The following CACNA2D3 variants were observed in gnomAD, a reference collection of about 807,000 sequenced individuals.
CACNA2D3 encodes calcium voltage-gated channel auxiliary subunit alpha2delta 3, also known as voltage-dependent calcium channel subunit alpha-2/delta-3.
In CACNA2D3, 60 loss-of-function variants were observed where a neutral mutation model predicts 160.6. That is an observed-to-expected ratio of 0.37 (90% CI 0.30 to 0.46). The LOEUF is 0.46. CACNA2D3 is among the 20% of genes least tolerant of loss of function. The pLI is 1.00. For missense variants in CACNA2D3, 1,205 were observed against 1,365.0 expected, an observed-to-expected ratio of 0.88 and a Z score of 1.85; for synonymous variants, 558 against 492.9, an observed-to-expected ratio of 1.13 and a Z score of -1.75.
chr3:54,694,372 C>T (rs1313198776), intron 11 of CACNA2D3, among the ~76,000 whole-genome samples: 1 of 152,188 alleles, frequency 6.6e-6, no homozygotes, highest in African/African-American at 2.4e-5. Context: ...GGTGTTCACA[C>T]AACAACCAAA....
intron 26 of CACNA2D3, among the ~76,000 whole-genome samples, chr3:54,897,713 G>C (rs1177247941): frequency 6.6e-6 from 1 of 152,172 alleles, no homozygotes; most frequent in Non-Finnish European, 1.5e-5. Context: ...AAGTTCTCCA[G>C]GGTTTGTGCC....
At chr3:54,582,293 A>C (rs1380919952) in intron 9 of CACNA2D3, among the ~76,000 whole-genome samples, 1 of 152,182 alleles carries the variant, frequency 6.6e-6, no homozygotes, top group African/African-American at 2.4e-5. Context: ...ATTAAAGGTA[A>C]GCTTTTCAAG....
intron 14 of CACNA2D3, among the ~76,000 whole-genome samples, chr3:54,832,365 C>T (rs1575501537): frequency 6.6e-6 from 1 of 152,144 alleles, no homozygotes; most frequent in East Asian, 1.9e-4. Flanking sequence ...GAGAGCTTGA[C>T]TGCTAAGAAA....
intron 2 of CACNA2D3, among the ~76,000 whole-genome samples, chr3:54,278,184 T>C (rs1702788755): frequency 6.6e-6 from 1 of 152,144 alleles, no homozygotes; most frequent in Non-Finnish European, 1.5e-5. Context: ...GCAAAGGATA[T>C]GAATAGACAT....
At chr3:54,622,938 C>T (rs1369664844) in intron 9 of CACNA2D3, among the ~76,000 whole-genome samples, 2 of 152,120 alleles carry the variant, frequency 1.3e-5, no homozygotes, top group South Asian at 2.1e-4. Context: ...GTAAACCGAT[C>T]GCACCATACG....
At chr3:54,564,327 A>G (rs1030848333) in intron 6 of CACNA2D3, among the ~76,000 whole-genome samples, 7 of 152,210 alleles carry the variant, frequency 4.6e-5, no homozygotes, top group African/African-American at 1.4e-4. Context: ...TTTACATACA[A>G]GGTTTTTATC....
At chr3:54,727,648 A>G (rs1575444163) in intron 11 of CACNA2D3, among the ~76,000 whole-genome samples, 2 of 152,218 alleles carry the variant, frequency 1.3e-5, no homozygotes. Flanking sequence ...TCAGCAAACT[A>G]TCACAAAAAC....
intron 14 of CACNA2D3, among the ~76,000 whole-genome samples, chr3:54,834,312 GAGTT>G (rs1446038443): frequency 6.6e-6 from 1 of 152,164 alleles, no homozygotes; most frequent in East Asian, 1.9e-4. Context: ...AAGTTGTGCG[GAGTT>G]ATGGATCAGC....
intron 9 of CACNA2D3, among the ~76,000 whole-genome samples, chr3:54,582,354 C>A (rs1559518605): frequency 1.3e-5 from 2 of 152,290 alleles, no homozygotes; most frequent in East Asian, 3.9e-4. Flanking sequence ...CCAAGCATTG[C>A]CTGTTCCATT....
intron 17 of CACNA2D3, among the ~76,000 whole-genome samples, chr3:54,858,062 C>G (rs1204477356): frequency 6.6e-6 from 1 of 150,806 alleles, no homozygotes; most frequent in Non-Finnish European, 1.5e-5. Context: ...GACCTTTGTT[C>G]TACTAGATTA....
chr3:54,965,504 G>A (rs376820655), intron 27 of CACNA2D3, among the ~76,000 whole-genome samples: 13 of 152,194 alleles, frequency 8.5e-5, no homozygotes, highest in South Asian at 4.2e-4. Context: ...TTCTCTGCAC[G>A]CTCCAGTTCT....
chr3:54,627,058 T>C (rs901835288), intron 9 of CACNA2D3, among the ~76,000 whole-genome samples: 2 of 152,252 alleles, frequency 1.3e-5, no homozygotes, highest in Non-Finnish European at 2.9e-5. Flanking sequence ...GTCTGTCTTG[T>C]TATAATCACA....
intron 11 of CACNA2D3, among the ~76,000 whole-genome samples, chr3:54,750,639 G>A (rs997832812): frequency 2.0e-5 from 3 of 152,142 alleles, no homozygotes; most frequent in Admixed American, 6.5e-5. Flanking sequence ...ACTTAACTGG[G>A]CCTCAGTTTC....
chr3:54,188,260 CAAACAAACAAAA>C (rs1459202591), intron 2 of CACNA2D3, among the ~76,000 whole-genome samples: 3 of 93,344 alleles, frequency 3.2e-5, no homozygotes, highest in Admixed American at 2.0e-4. Flanking sequence ...AACAAACAAA[CAAACAAACAAAA>C]AAACCAGTAG....
chr3:54,693,776 A>G (rs1423367323), intron 11 of CACNA2D3, among the ~76,000 whole-genome samples: 1 of 152,192 alleles, frequency 6.6e-6, no homozygotes, highest in African/African-American at 2.4e-5. Context: ...CGTTTTTAAC[A>G]AAAAAGTTTA....
chr3:54,951,076 C>G (rs1426527764), intron 27 of CACNA2D3, among the ~76,000 whole-genome samples: 1 of 152,166 alleles, frequency 6.6e-6, no homozygotes, highest in African/African-American at 2.4e-5. Flanking sequence ...CTATATGCTG[C>G]CAAAAAAATC....
At chr3:54,646,428 T>C (rs1699652345) in intron 11 of CACNA2D3, among the ~76,000 whole-genome samples, 1 of 151,502 alleles carries the variant, frequency 6.6e-6, no homozygotes, top group Non-Finnish European at 1.5e-5. Flanking sequence ...TGCCCCAGTA[T>C]GTGTTGTTTG....
chr3:55,030,201 G>A (rs949569052), intron 35 of CACNA2D3, among the ~76,000 whole-genome samples: 5 of 152,170 alleles, frequency 3.3e-5, no homozygotes, highest in Non-Finnish European at 7.3e-5. Context: ...AGCAGCAGTA[G>A]AGGAAAACCA....
At chr3:54,835,679 C>T (rs11720287) in intron 14 of CACNA2D3, among the ~76,000 whole-genome samples, 3 of 152,184 alleles carry the variant, frequency 2.0e-5, no homozygotes, top group South Asian at 2.1e-4. Context: ...TCAGAAAACA[C>T]GCTAGGTTGA....
Sources: allele counts gnomAD v4.1 joint callset (sites outside exome capture counted in the v4.1 genomes callset), GRCh38; gene constraint gnomAD v4.1.1; transcripts MANE v1.5; gene names NCBI Gene and HGNC (gene_info 2026-07-23, HGNC 2026-07-21).